The following PLIN3 variants were observed in gnomAD, a reference collection of about 807,000 sequenced individuals.
PLIN3 encodes perilipin-3.
In PLIN3, 30 loss-of-function variants were observed where a neutral mutation model predicts 35.9. The observed-to-expected ratio is 0.84, with a 90% CI of 0.62 to 1.13. The LOEUF (loss-of-function observed/expected upper bound fraction) is 1.13, where lower values mean the gene tolerates loss of function less well. Ranked by LOEUF, PLIN3 falls within the 50% of genes most tolerant of loss-of-function variation. The pLI is 0.00. For synonymous variants in PLIN3, 261 were observed against 262.5 expected, an observed-to-expected ratio of 0.99 and a Z score of 0.06; for missense variants, 603 against 596.9, an observed-to-expected ratio of 1.01 and a Z score of -0.11.
chr19:4,867,529 C>T (rs1220519596), intron 1 of PLIN3, 80 bp downstream of exon 1: 3 of 152,136 alleles, frequency 2.0e-5, no homozygotes, highest in Admixed American at 6.5e-5. Flanking sequence ...AGGCCCTCCC[C>T]GACCCCTCCG....
At chr19:4,841,442 G>A (rs1436334081) in intron 7 of PLIN3, among the ~76,000 whole-genome samples, 3 of 152,122 alleles carry the variant, frequency 2.0e-5, no homozygotes, top group Non-Finnish European at 4.4e-5. Context: ...ATACGTGGTT[G>A]GGAGGAGGAG....
At chr19:4,851,987 T>G in intron 5 of PLIN3, 29 bp downstream of exon 5, 1 of 1,596,832 alleles carries the variant, frequency 6.3e-7, no homozygotes. Context: ...TGGGGAGGGG[T>G]CCCAGAGCAG....
At position 4,852,234 on chromosome 19, in the gene PLIN3, G is replaced by T; in HGVS notation, c.416C>A (p.Ala139Asp). ...VSGAQEMVSS[A>D]KDTVATQLSE... Reference sequence around the variant, plus strand: ...CAATTGGGTGGCCACCGTGTCCTTGGCGCTAGACACCATCTCTTGGGCCCC... The same window carrying T: ...CAATTGGGTGGCCACCGTGTCCTTGTCGCTAGACACCATCTCTTGGGCCCC... The change falls in exon 5 of 8, where the codon GCC (alanine) becomes GAC (aspartate). Residue 139 changes from alanine (A) to aspartate (D), a missense_variant. Ala to Asp is a moderately radical substitution (Grantham distance 126). Coordinates refer to ENST00000221957, the MANE Select transcript of PLIN3 (RefSeq NM_005817.5). 6.2e-7 allele frequency: 1 copy of T among 1,610,030 alleles called. No homozygotes were observed. Among genetic ancestry groups the T allele is most frequent in the Admixed American group, 1.7e-5 (1 of 60,018 alleles).
intron 4 of PLIN3, among the ~76,000 whole-genome samples, chr19:4,853,120 GT>G (rs35272169): frequency 0.86 from 125,926 of 145,882 alleles, 54,295 homozygotes; most frequent in Admixed American, 0.91. Flanking sequence ...CCTGTTTTTT[GT>G]TTTTTTTTTT....
At chr19:4,846,688 G>T (rs937009007) in intron 6 of PLIN3, among the ~76,000 whole-genome samples, 4 of 151,970 alleles carry the variant, frequency 2.6e-5, no homozygotes, top group African/African-American at 9.7e-5. Context: ...AACAGAGCGA[G>T]ACTCCGTTCA....
chr19:4,855,111 G>A (rs1021791235), intron 4 of PLIN3, among the ~76,000 whole-genome samples: 15 of 151,860 alleles, frequency 9.9e-5, no homozygotes, highest in South Asian at 8.3e-4. Context: ...TTTGCTGGGC[G>A]TAGTGATGGG....
intron 7 of PLIN3, among the ~76,000 whole-genome samples, chr19:4,843,134 A>G (rs145563497): frequency 6.6e-6 from 1 of 152,040 alleles, no homozygotes; most frequent in African/African-American, 2.4e-5. Context: ...AGACAGGAGA[A>G]CCACTTGAAC....
intron 4 of PLIN3, among the ~76,000 whole-genome samples, chr19:4,858,438 C>T (rs954216104): frequency 1.3e-5 from 2 of 151,426 alleles, no homozygotes; most frequent in African/African-American, 4.8e-5. Context: ...AGTGTAGTGG[C>T]GCGATCTCAG....
intron 4 of PLIN3, among the ~76,000 whole-genome samples, chr19:4,853,841 A>T (rs773653358): frequency 1.3e-5 from 2 of 152,044 alleles, no homozygotes; most frequent in South Asian, 4.1e-4. Context: ...AACAAACAAA[A>T]AAAAGCTTTG....
chr19:4,839,412 G>A lies in PLIN3; in HGVS notation c.1085C>T (p.Ala362Val). The change falls in exon 8 of 8, where the codon GCC becomes GTC. Residue 362 changes from alanine (A) to valine (V), a missense_variant. Transcript: ENST00000221957. ...PTNVKDQVQQ[A>V]RRQVEDLQAT... is the part of the protein sequence containing the mutation. The stretch of plus-strand genomic sequence containing the variant: ...CTGGAGGTCCTCCACCTGGCGGCGG[G>A]CCTGCTGCACCTGGTCCTTCACATT... The A allele has an allele frequency of 6.2e-7, 1 of 1,609,592 alleles. No homozygotes were observed. Among genetic ancestry groups the A allele is most frequent in the Non-Finnish European group, 8.5e-7 (1 of 1,176,618 alleles).
rs374670367 is a variant in PLIN3 at position 4,839,163 on chromosome 19, C to T, written c.*29G>A. On this transcript the variant is annotated 3_prime_UTR_variant, in exon 8 of 8. Coordinates refer to ENST00000221957, the MANE Select transcript of PLIN3 (RefSeq NM_005817.5). Reference sequence around the variant, plus strand: ...CCAGAGCACAGCTGCATTATAGAGACGGGGCCCGCTGAGTCCTCTCCTCTC... The same window carrying T: ...CCAGAGCACAGCTGCATTATAGAGATGGGGCCCGCTGAGTCCTCTCCTCTC... 6.8e-5 allele frequency: 105 copies of T among 1,545,506 alleles called. No individual in the cohort carries two copies. The highest frequency in any genetic ancestry group is 5.2e-4 in the Middle Eastern group (3 of 5,796).
chr19:4,865,124 G>A (rs187527586), intron 1 of PLIN3, among the ~76,000 whole-genome samples: 2,454 of 152,092 alleles, frequency 0.016, 37 homozygotes, highest in Non-Finnish European at 0.025. Flanking sequence ...CCTGGGAGGC[G>A]GAGGTTGCAG....
intron 1 of PLIN3, among the ~76,000 whole-genome samples, chr19:4,864,498 T>C (rs1455871457): frequency 1.3e-5 from 2 of 151,610 alleles, no homozygotes; most frequent in East Asian, 3.9e-4. Flanking sequence ...GTTTGTTTTT[T>C]AGTAGATGGG....
intron 5 of PLIN3, among the ~76,000 whole-genome samples, chr19:4,850,664 G>A (rs978055375): frequency 2.2e-5 from 1 of 45,856 alleles, no homozygotes; most frequent in Non-Finnish European, 3.9e-5. Flanking sequence ...TCGATCTCCT[G>A]AACCTGTGAT....
At chr19:4,844,322 C>T (rs1404182066) in intron 7 of PLIN3, among the ~76,000 whole-genome samples, 1 of 152,004 alleles carries the variant, frequency 6.6e-6, no homozygotes, top group African/African-American at 2.4e-5. Flanking sequence ...AAAAATTAGC[C>T]AGGCGTGGTG....
chr19:4,840,735 G>A lies in PLIN3; in HGVS notation c.961-1199C>T, dbSNP rs567444893. Among the ~76,000 whole-genome samples, 10 of 152,212 alleles carry A rather than the reference G, an allele frequency of 6.6e-5. No homozygotes were observed. In the South Asian group the frequency reaches 1.9e-3, roughly 28 times the overall value. On this transcript the variant is annotated intron_variant, in intron 7 of 7. Transcript: ENST00000221957. ...GGGAGGCCAAGGTGCGTGGATCACC[G>A]AGGTCAGGAGTTCAGCCTGACCAAC...
intron 7 of PLIN3, among the ~76,000 whole-genome samples, chr19:4,840,528 C>T (rs2029877266): frequency 6.6e-6 from 1 of 152,156 alleles, no homozygotes; most frequent in Admixed American, 6.6e-5. Flanking sequence ...GCTGGAATTA[C>T]AGGCACGAGC....
At position 4,838,590 on chromosome 19, in the gene PLIN3, T is replaced by C. The variant is rs1345563849; in HGVS notation, c.*602A>G. ...ATCCCTGATTTTTTTTTCTTTTTTT[T>C]TTTTTTTGAGACTAAGTCTCACTCT... On this transcript the variant is annotated 3_prime_UTR_variant, in exon 8 of 8. Transcript: ENST00000221957. The C allele has an allele frequency of 2.0e-5, 3 of 151,380 alleles. No homozygotes were observed. The highest frequency in any genetic ancestry group is 7.3e-5 in the African/African-American group (3 of 41,212). The allele number at this position is 151,380 out of a possible 1,614,324, so 9.4% of individuals were successfully genotyped here.
At position 4,855,640 on chromosome 19, in the gene PLIN3, T is replaced by C. The variant is rs545788063; in HGVS notation, c.349-3339A>G. ...ATGGAGTCTCGCTCTGTTGTTCTGA[T>C]CTCGTGATCCGCCCGCCTCGGCCTC... On this transcript the variant is annotated intron_variant, in intron 4 of 7. Coordinates refer to ENST00000221957, the MANE Select transcript of PLIN3 (RefSeq NM_005817.5). 2.0e-5 allele frequency among the ~76,000 whole-genome samples: 3 copies of C among 152,146 alleles called. No homozygotes were observed. The South Asian group carries it at 6.2e-4, about 32-fold the overall frequency.
Sources: gnomAD v4.1 joint callset for allele counts (sites outside exome capture counted in the v4.1 genomes callset) on GRCh38, gnomAD v4.1.1 for gene constraint, MANE v1.5 for transcripts, NCBI Gene and HGNC (gene_info 2026-07-23, HGNC 2026-07-21) for gene names.